Variants in MED12L observed in about 807,000 individuals in gnomAD.
MED12L encodes the protein mediator of RNA polymerase II transcription subunit 12-like protein.
MED12L carries 60 observed loss-of-function variants against 281.3 expected under a neutral mutation model. The ratio of observed to expected loss-of-function variants is 0.21; its 90% confidence interval spans 0.17 to 0.26. The LOEUF (loss-of-function observed/expected upper bound fraction) is 0.26, where lower values mean the gene tolerates loss of function less well. Ranked by LOEUF, MED12L falls within the 10% of genes least tolerant of loss-of-function variation. MED12L has a pLI of 1.00. For synonymous variants in MED12L, 974 were observed against 987.2 expected, an observed-to-expected ratio of 0.99 and a Z score of 0.25; for missense variants, 2,146 against 2,680.9, an observed-to-expected ratio of 0.80 and a Z score of 4.41.
At chr3:151,238,716 C>T (rs761141397) in intron 16 of MED12L, among the ~76,000 whole-genome samples, 12 of 152,100 alleles carry the variant, frequency 7.9e-5, no homozygotes, top group Non-Finnish European at 1.5e-4. Context: ...ATCAGTTTTA[C>T]CAATTGCTTA....
intron 16 of MED12L, among the ~76,000 whole-genome samples, chr3:151,260,591 T>G (rs1443873533): frequency 6.6e-6 from 1 of 152,138 alleles, no homozygotes; most frequent in African/African-American, 2.4e-5. Context: ...ACTCAAGTGA[T>G]CCTCCTGCCA....
In MED12L at chr3:151,214,948, C is replaced by A. The variant is rs149397588; in HGVS notation, c.2250+21282C>A. On this transcript the variant is annotated intron_variant, in intron 16 of 44. Coordinates refer to ENST00000687756, the MANE Select transcript of MED12L (RefSeq NM_001393769.1). ...GAAATTTTTATGGATTCATAAAAAT[C>A]ATTATAAATGTTTACATATTAAGAG... is the stretch of plus-strand genomic sequence containing the variant. Among the ~76,000 whole-genome samples the A allele has an allele frequency of 1.9e-3, 292 of 152,076 alleles. 3 individuals carry two copies. The highest frequency in any genetic ancestry group is 9.1e-3 in the South Asian group (44 of 4,824).
chr3:151,325,455 T>C (rs1749482417), intron 16 of MED12L, among the ~76,000 whole-genome samples: 1 of 152,252 alleles, frequency 6.6e-6, no homozygotes, highest in Non-Finnish European at 1.5e-5. Context: ...CATTTATGAC[T>C]ATATTGTAGC....
intron 16 of MED12L, among the ~76,000 whole-genome samples, chr3:151,344,562 C>T (rs943506982): frequency 6.6e-6 from 1 of 152,074 alleles, no homozygotes; most frequent in Non-Finnish European, 1.5e-5. Flanking sequence ...GTTTTTACTG[C>T]TTTTCTTAGA....
chr3:151,190,865 G>C lies in MED12L; in HGVS notation c.1902G>C (p.Arg634=). The C allele has an allele frequency of 6.2e-7, 1 of 1,614,104 alleles. No individual in the cohort carries two copies. Among genetic ancestry groups the C allele is most frequent in the Non-Finnish European group, 8.5e-7 (1 of 1,180,022 alleles). The change falls in exon 14 of 45, where the codon CGG becomes CGC. Residue 634 remains arginine, a synonymous_variant. Transcript: ENST00000687756. ...RGDLSVTAST[R]PRSPVGENAD... is the part of the protein sequence containing the mutation. Reference sequence around the variant, plus strand: ...ATTTGTCAGTCACTGCCTCAACTCGGCCGCGGTCACCAGTAGGGGAAAATG... The same window carrying C: ...ATTTGTCAGTCACTGCCTCAACTCGCCCGCGGTCACCAGTAGGGGAAAATG...
At chr3:151,205,029 C>T (rs1044333977) in intron 16 of MED12L, among the ~76,000 whole-genome samples, 2 of 152,144 alleles carry the variant, frequency 1.3e-5, no homozygotes, top group Non-Finnish European at 2.9e-5. Flanking sequence ...AATCATATTC[C>T]TCCTTCTGAG....
intron 5 of MED12L, among the ~76,000 whole-genome samples, chr3:151,138,550 G>T (rs753687241): frequency 6.6e-6 from 1 of 152,050 alleles, no homozygotes; most frequent in Non-Finnish European, 1.5e-5. Flanking sequence ...ATTACATTTA[G>T]TTCTCATATC....
chr3:151,295,158 G>GC, intron 16 of MED12L: 1 of 1,612,880 alleles, frequency 6.2e-7, no homozygotes, highest in East Asian at 2.2e-5. Flanking sequence ...TTCTTTCCTG[G>GC]CCCGTCGCTC....
At chr3:151,360,441 A>G (rs1024457941) in intron 20 of MED12L, 33 bp from the exon 21 acceptor site, 9 of 1,600,976 alleles carry the variant, frequency 5.6e-6, no homozygotes, top group African/African-American at 2.7e-5. Flanking sequence ...GTACAAATCT[A>G]TGTCTTATTT....
intron 16 of MED12L, among the ~76,000 whole-genome samples, chr3:151,251,107 T>G (rs564900215): frequency 2.8e-4 from 42 of 152,314 alleles, no homozygotes; most frequent in African/African-American, 7.7e-4. Context: ...ATGTTGATGT[T>G]TTATGGATTC....
intron 17 of MED12L, among the ~76,000 whole-genome samples, chr3:151,354,140 C>CAAAAAAAAAA (rs63033360): frequency 1.6e-4 from 10 of 62,838 alleles, no homozygotes; most frequent in Admixed American, 2.3e-4. Flanking sequence ...GACTCCGTCT[C>CAAAAAAAAAA]AAAAAAAAAA....
At chr3:151,405,233 A>T (rs1440793789) in intron 39 of MED12L, among the ~76,000 whole-genome samples, 1 of 152,216 alleles carries the variant, frequency 6.6e-6, no homozygotes, top group African/African-American at 2.4e-5. Context: ...AGGTAAGCCC[A>T]AAGCAGAGTG....
intron 14 of MED12L, 69 bp downstream of exon 14, chr3:151,191,000 G>T: frequency 5.1e-6 from 7 of 1,367,098 alleles, no homozygotes; most frequent in Non-Finnish European, 7.2e-6. Flanking sequence ...GTTCAAATGG[G>T]TCATGTAGTG....
At chr3:151,118,952 G>A (rs1230346256) in intron 3 of MED12L, among the ~76,000 whole-genome samples, 1 of 152,178 alleles carries the variant, frequency 6.6e-6, no homozygotes, top group African/African-American at 2.4e-5. Context: ...CTCCCAAAGT[G>A]CTGGGATTAC....
rs1195018390 is a variant in MED12L at position 151,434,057 on chromosome 3, A to G, written c.*1253A>G. ...ATAATATTTTTTTAGATTTAGATGCATAAAATTTTGAATGTGAAAATTGCA... is the reference window on the plus strand; with the variant it reads ...ATAATATTTTTTTAGATTTAGATGCGTAAAATTTTGAATGTGAAAATTGCA... On this transcript the variant is annotated 3_prime_UTR_variant, in exon 45 of 45. Transcript: ENST00000687756. The G allele has an allele frequency of 6.6e-6, 1 of 152,588 alleles. No homozygotes were observed. Among genetic ancestry groups the G allele is most frequent in the Non-Finnish European group, 1.5e-5 (1 of 68,034 alleles). 9.5% of individuals were successfully genotyped at this position (152,588 alleles called of 1,614,324 possible).
At chr3:151,183,076 A>G (rs1722891165) in intron 11 of MED12L, among the ~76,000 whole-genome samples, 1 of 151,966 alleles carries the variant, frequency 6.6e-6, no homozygotes, top group Non-Finnish European at 1.5e-5. Context: ...TTTTCTATTT[A>G]TCAGAAATCT....
At position 151,377,198 on chromosome 3, in the gene MED12L, T is replaced by C. The variant is rs1285246277; in HGVS notation, c.4316+20T>C. On this transcript the variant is annotated intron_variant, in intron 30 of 44. Coordinates refer to ENST00000687756, the MANE Select transcript of MED12L (RefSeq NM_001393769.1). ...CCTAAGGTATTTTTGTCTGTTGTTT[T>C]ATTGAACTGTCATGAATTTTTCACA... 3.8e-6 allele frequency: 6 copies of C among 1,591,612 alleles called. No homozygotes were observed. Among genetic ancestry groups the C allele is most frequent in the Non-Finnish European group, 5.1e-6 (6 of 1,169,882 alleles).
intron 16 of MED12L, among the ~76,000 whole-genome samples, chr3:151,200,450 C>G (rs1725382843): frequency 6.6e-6 from 1 of 152,160 alleles, no homozygotes; most frequent in Non-Finnish European, 1.5e-5. Context: ...TATTATAATA[C>G]AACCTTTTTA....
At chr3:151,299,356 C>CTTTCTTTTTTCTTTTCT (rs1553772494) in intron 16 of MED12L, among the ~76,000 whole-genome samples, 1 of 94,352 alleles carries the variant, frequency 1.1e-5, no homozygotes, top group Non-Finnish European at 2.1e-5. Context: ...TTCCTTCCTT[C>CTTTCTTTTTTCTTTTCT]TTTCTTTTCT....
Sources: allele counts gnomAD v4.1 joint callset (sites outside exome capture counted in the v4.1 genomes callset), GRCh38; gene constraint gnomAD v4.1.1; transcripts MANE v1.5; gene names NCBI Gene and HGNC (gene_info 2026-07-23, HGNC 2026-07-21).